The following RTL4 variants were observed in gnomAD, a reference collection of about 807,000 sequenced individuals.
RTL4 encodes the protein retrotransposon Gag-like protein 4.
RTL4 carries 4 observed loss-of-function variants against 5.3 expected under a neutral mutation model. That is an observed-to-expected ratio of 0.75 (90% CI 0.37 to 1.72). The LOEUF is 1.72. Among genes scored for constraint, RTL4 ranks in the 40% most tolerant of loss-of-function variants. RTL4 has a pLI of 0.04. For missense variants in RTL4, 260 were observed against 227.1 expected (o/e 1.14, Z -0.93); for synonymous variants, 98 against 87.3 (o/e 1.12, Z -0.68).
At chrX:112,343,324 T>A in the RTL4 span, among the ~76,000 whole-genome samples, 27 of 111,824 alleles carry the variant, frequency 2.4e-4, 1 homozygote, top group South Asian at 9.7e-3. Flanking sequence ...TTCCACTCTT[T>A]AGTGATAGTA....
the RTL4 span, among the ~76,000 whole-genome samples, chrX:112,337,741 T>C: frequency 9.0e-6 from 1 of 111,598 alleles, no homozygotes; most frequent in African/African-American, 3.3e-5. Context: ...TCTCTCTGGC[T>C]TCTAGGTACC....
the RTL4 span, among the ~76,000 whole-genome samples, chrX:112,092,948 C>T: frequency 4.5e-5 from 5 of 111,143 alleles, no homozygotes; most frequent in East Asian, 1.4e-3. Context: ...TGGACTAATA[C>T]ACCAGAAAAT....
the RTL4 span, among the ~76,000 whole-genome samples, chrX:112,196,890 T>C: frequency 9.0e-6 from 1 of 110,890 alleles, no homozygotes; most frequent in Non-Finnish European, 1.9e-5. Context: ...ACGCTAGTCC[T>C]TAGTCTTCAC....
the RTL4 span, among the ~76,000 whole-genome samples, chrX:112,118,147 TA>T: frequency 2.7e-5 from 3 of 112,237 alleles, no homozygotes; most frequent in Non-Finnish European, 5.6e-5. Flanking sequence ...CTTAGCAGTT[TA>T]AAACAACAAA....
the RTL4 span, among the ~76,000 whole-genome samples, chrX:112,299,952 T>A: frequency 9.0e-6 from 1 of 111,672 alleles, no homozygotes; most frequent in Non-Finnish European, 1.9e-5. Flanking sequence ...TTCAATCATT[T>A]CAGAAGGGTA....
chrX:112,422,980 T>C, the RTL4 span, among the ~76,000 whole-genome samples: 2 of 111,422 alleles, frequency 1.8e-5, no homozygotes, highest in Non-Finnish European at 3.8e-5. Context: ...TATTTTATTT[T>C]ATTCTATGTC....
At chrX:112,368,512 C>G in the RTL4 span, among the ~76,000 whole-genome samples, 3 of 110,974 alleles carry the variant, frequency 2.7e-5, no homozygotes, top group African/African-American at 9.8e-5. Flanking sequence ...TGACCCCCAC[C>G]CCTACCCAGG....
chrX:112,327,130 C>T, the RTL4 span, among the ~76,000 whole-genome samples: 2 of 112,424 alleles, frequency 1.8e-5, no homozygotes, highest in Non-Finnish European at 3.8e-5. Flanking sequence ...CAGTTCCTCA[C>T]CAGCAACGGA....
At chrX:112,367,325 A>T in the RTL4 span, among the ~76,000 whole-genome samples, 4 of 111,641 alleles carry the variant, frequency 3.6e-5, no homozygotes, top group Non-Finnish European at 3.8e-5. Context: ...AACTAAAAAG[A>T]ACCAAGAAAA....
the RTL4 span, among the ~76,000 whole-genome samples, chrX:112,258,801 C>T: frequency 9.0e-6 from 1 of 111,356 alleles, no homozygotes; most frequent in African/African-American, 3.3e-5. Flanking sequence ...ATTTTATAAA[C>T]ATTCTGTCAT....
chrX:112,177,054 T>G, the RTL4 span, among the ~76,000 whole-genome samples: 7 of 104,142 alleles, frequency 6.7e-5, no homozygotes, highest in African/African-American at 1.4e-4. Flanking sequence ...ATGGTGTTGG[T>G]TTTTTTTTTT....
the RTL4 span, among the ~76,000 whole-genome samples, chrX:112,259,828 A>G: frequency 5.4e-5 from 6 of 111,930 alleles, no homozygotes; most frequent in Non-Finnish European, 9.4e-5. Flanking sequence ...ATAAAATACC[A>G]GAGCATAATA....
At chrX:112,106,161 G>A in the RTL4 span, among the ~76,000 whole-genome samples, 9 of 111,929 alleles carry the variant, frequency 8.0e-5, no homozygotes, top group African/African-American at 2.9e-4. Context: ...CAGTTAATGT[G>A]GTGTATCACG....
the RTL4 span, among the ~76,000 whole-genome samples, chrX:112,445,515 G>A: frequency 2.7e-5 from 3 of 111,628 alleles, no homozygotes; most frequent in Non-Finnish European, 5.6e-5. Flanking sequence ...GGTATGTGAG[G>A]TTAAAAAACT....
chrX:112,411,781 T>C, the RTL4 span, among the ~76,000 whole-genome samples: 2 of 111,015 alleles, frequency 1.8e-5, no homozygotes, highest in Non-Finnish European at 3.8e-5. Flanking sequence ...GCCTTTCTTC[T>C]GAGAACTAGA....
the RTL4 span, among the ~76,000 whole-genome samples, chrX:112,321,329 C>T: frequency 6.3e-5 from 7 of 110,547 alleles, no homozygotes; most frequent in East Asian, 8.6e-4. Context: ...CGAGGTCAAG[C>T]GATCGAGACC....
the RTL4 span, among the ~76,000 whole-genome samples, chrX:112,424,969 A>G: frequency 0.12 from 13,364 of 110,330 alleles, 849 homozygotes; most frequent in African/African-American, 0.24. Context: ...ATTAGGATTC[A>G]CTCTTGCTGT....
At chrX:112,283,652 C>T in the RTL4 span, among the ~76,000 whole-genome samples, 2 of 111,299 alleles carry the variant, frequency 1.8e-5, no homozygotes, top group Non-Finnish European at 3.8e-5. Flanking sequence ...CTCCTAACAG[C>T]AGAGATATCT....
the RTL4 span, among the ~76,000 whole-genome samples, chrX:112,193,859 C>A: frequency 8.9e-6 from 1 of 112,263 alleles, no homozygotes; most frequent in Non-Finnish European, 1.9e-5. Flanking sequence ...ACACTCAGAA[C>A]CTCTTCTATC....
Sources: gnomAD v4.1 joint callset for allele counts (sites outside exome capture counted in the v4.1 genomes callset) on GRCh38, gnomAD v4.1.1 for gene constraint, MANE v1.5 for transcripts, NCBI Gene and HGNC (gene_info 2026-07-23, HGNC 2026-07-21) for gene names.